Variants in RALGPS2 observed in about 807,000 individuals in gnomAD.
RALGPS2 encodes the protein Ral GEF with PH domain and SH3 binding motif 2.
RALGPS2 carries 43 observed loss-of-function variants against 86.8 expected under a neutral mutation model. The ratio of observed to expected loss-of-function variants is 0.50; its 90% CI spans 0.39 to 0.64. The LOEUF is 0.64. Ranked by LOEUF, RALGPS2 falls within the 30% of genes least tolerant of loss-of-function variation. The pLI is 0.00. For synonymous variants in RALGPS2, 243 were observed against 231.3 expected (o/e 1.05, Z -0.46); for missense variants, 536 against 694.6 (o/e 0.77, Z 2.57).
intron 1 of RALGPS2, among the ~76,000 whole-genome samples, chr1:178,754,345 C>T (rs550258148): frequency 3.3e-5 from 5 of 152,096 alleles, no homozygotes; most frequent in African/African-American, 1.2e-4. Flanking sequence ...CAAGATATGC[C>T]ATTGGTAAGC....
intron 1 of RALGPS2, among the ~76,000 whole-genome samples, chr1:178,761,749 C>T (rs929797750): frequency 1.3e-4 from 20 of 151,884 alleles, no homozygotes; most frequent in African/African-American, 4.1e-4. Context: ...TTAGTAGAGA[C>T]GGGGTCTCAA....
At chr1:178,879,430 CAGG>C (rs1270605959) in intron 10 of RALGPS2, 1 of 153,144 alleles carries the variant, frequency 6.5e-6, no homozygotes, top group African/African-American at 2.4e-5. Context: ...CATCTTGTCT[CAGG>C]AGAAGAAACC....
intron 4 of RALGPS2, among the ~76,000 whole-genome samples, chr1:178,802,110 CA>C (rs1654505845): frequency 6.6e-6 from 1 of 152,066 alleles, no homozygotes; most frequent in East Asian, 1.9e-4. Context: ...AGGTAAAACT[CA>C]ACTACTCATA....
chr1:178,851,440 C>G lies in RALGPS2; in HGVS notation c.607+17890C>G, dbSNP rs570153930. 18 of 862,466 alleles carry G rather than the reference C, an allele frequency of 2.1e-5. No homozygotes were observed. The African/African-American group carries it at 3.1e-4, about 15-fold the overall frequency. 53.4% of individuals were successfully genotyped at this position (862,466 alleles called of 1,614,324 possible). A position where few individuals can be genotyped will look rare whatever the true frequency, so the allele number is the denominator to read the frequency against. ...TTACTAATCCCAGTTACCTTTATCT[C>G]AGCAGTTTTAAATGCCTTCACTTAC... On this transcript the variant is annotated intron_variant, in intron 8 of 19. Coordinates refer to ENST00000367635, the MANE Select transcript of RALGPS2 (RefSeq NM_152663.5).
At chr1:178,882,271 C>G (rs1435499873) in intron 10 of RALGPS2, among the ~76,000 whole-genome samples, 4 of 152,146 alleles carry the variant, frequency 2.6e-5, no homozygotes, top group Non-Finnish European at 5.9e-5. Flanking sequence ...ATTTCATTTA[C>G]TACTTTTCTT....
At chr1:178,798,675 T>C (rs1244154604) in intron 4 of RALGPS2, among the ~76,000 whole-genome samples, 3 of 152,300 alleles carry the variant, frequency 2.0e-5, no homozygotes, top group East Asian at 1.9e-4. Context: ...TCATCACTTT[T>C]CATACACCAG....
chr1:178,829,954 AG>A (rs1183280074), intron 7 of RALGPS2, among the ~76,000 whole-genome samples: 1 of 152,108 alleles, frequency 6.6e-6, no homozygotes, highest in African/African-American at 2.4e-5. Flanking sequence ...CTTGTTGGCC[AG>A]GCTGGTCTCG....
chr1:178,732,123 G>C (rs1261618696), intron 1 of RALGPS2, among the ~76,000 whole-genome samples: 3 of 152,114 alleles, frequency 2.0e-5, no homozygotes, highest in Non-Finnish European at 4.4e-5. Context: ...CTCATCATCT[G>C]AGAGTAAGGA....
chr1:178,796,179 A>C (rs1048528738), intron 4 of RALGPS2, among the ~76,000 whole-genome samples: 2 of 152,158 alleles, frequency 1.3e-5, no homozygotes, highest in African/African-American at 4.8e-5. Context: ...TAGGAAAAGA[A>C]AGCTCCTGCC....
At chr1:178,890,562 CCTT>C (rs1659676217) in intron 14 of RALGPS2, among the ~76,000 whole-genome samples, 1 of 151,742 alleles carries the variant, frequency 6.6e-6, no homozygotes, top group Non-Finnish European at 1.5e-5. Context: ...TTGCATAACT[CCTT>C]ATCAGTCACA....
At chr1:178,874,969 G>T (rs1658937203) in intron 8 of RALGPS2, among the ~76,000 whole-genome samples, 1 of 152,136 alleles carries the variant, frequency 6.6e-6, no homozygotes, top group Admixed American at 6.5e-5. Flanking sequence ...ATATGTGTCA[G>T]AATTTTCATT....
intron 7 of RALGPS2, among the ~76,000 whole-genome samples, chr1:178,828,977 C>T (rs1041500245): frequency 3.3e-5 from 5 of 152,144 alleles, no homozygotes; most frequent in East Asian, 1.9e-4. Flanking sequence ...CTCCTATGTT[C>T]GTTGCAGCAT....
intron 7 of RALGPS2, among the ~76,000 whole-genome samples, chr1:178,824,766 G>A (rs866090373): frequency 3.9e-5 from 6 of 151,986 alleles, no homozygotes; most frequent in Admixed American, 6.6e-5. Context: ...CCGAGATCGC[G>A]CTACTGCACT....
intron 1 of RALGPS2, chr1:178,747,271 A>G: frequency 6.6e-7 from 1 of 1,513,116 alleles, no homozygotes; most frequent in Non-Finnish European, 9.2e-7. Context: ...AGAAATTGAG[A>G]AATGAAGCTG....
chr1:178,847,321 C>A (rs1656915667), intron 8 of RALGPS2, among the ~76,000 whole-genome samples: 1 of 152,152 alleles, frequency 6.6e-6, no homozygotes, highest in African/African-American at 2.4e-5. Flanking sequence ...TGGTGGGCGC[C>A]TGTAATCCCA....
At chr1:178,890,709 A>C (rs753041761) in intron 14 of RALGPS2, among the ~76,000 whole-genome samples, 2 of 151,982 alleles carry the variant, frequency 1.3e-5, no homozygotes, top group Admixed American at 6.6e-5. Flanking sequence ...GATTTTGTTT[A>C]TAAGTTCTAC....
chr1:178,869,862 A>C (rs1658641672), intron 8 of RALGPS2, among the ~76,000 whole-genome samples: 1 of 152,068 alleles, frequency 6.6e-6, no homozygotes, highest in Non-Finnish European at 1.5e-5. Context: ...TAGTTTTTAT[A>C]ATGCATGTAA....
At chr1:178,907,028 G>T (rs1262685957) in intron 19 of RALGPS2, among the ~76,000 whole-genome samples, 161 bp downstream of exon 19, 1 of 152,194 alleles carries the variant, frequency 6.6e-6, no homozygotes, top group Non-Finnish European at 1.5e-5. Context: ...CTACATCTTA[G>T]TGAGGAGCTA....
At chr1:178,790,971 G>T (rs901706791) in intron 4 of RALGPS2, among the ~76,000 whole-genome samples, 3 of 152,090 alleles carry the variant, frequency 2.0e-5, no homozygotes, top group Non-Finnish European at 4.4e-5. Flanking sequence ...ATTATGAAAA[G>T]ATATTGGTTA....
Sources: allele counts gnomAD v4.1 joint callset (sites outside exome capture counted in the v4.1 genomes callset), GRCh38; gene constraint gnomAD v4.1.1; transcripts MANE v1.5; gene names NCBI Gene and HGNC (gene_info 2026-07-23, HGNC 2026-07-21).